The following VIPR2 variants were observed in gnomAD, a reference collection of about 807,000 sequenced individuals.
VIPR2 encodes the protein vasoactive intestinal polypeptide receptor 2.
A neutral mutation model predicts 58.0 loss-of-function variants in VIPR2; 48 were observed. The observed-to-expected ratio is 0.83, with a 90% confidence interval of 0.66 to 1.05. VIPR2 has a LOEUF of 1.05. Among genes scored for constraint, VIPR2 ranks in the 50% least tolerant of loss-of-function variants. VIPR2 has a pLI of 0.00. For missense variants in VIPR2, 534 were observed against 558.0 expected, an observed-to-expected ratio of 0.96 and a Z score of 0.43; for synonymous variants, 243 against 235.2, an observed-to-expected ratio of 1.03 and a Z score of -0.30.
At chr7:159,130,235 G>A (rs1469569467) in intron 2 of VIPR2, among the ~76,000 whole-genome samples, 1 of 152,178 alleles carries the variant, frequency 6.6e-6, no homozygotes, top group South Asian at 2.1e-4. Flanking sequence ...TTTAGGTTAT[G>A]GTTTAAGTGA....
rs2129492704 is a variant in VIPR2, at chr7:159,031,546, A to C, written c.1143+282T>G. The C allele has an allele frequency of 1.0e-6, 1 of 985,344 alleles. No individual in the cohort carries two copies. Among genetic ancestry groups the C allele is most frequent in the East Asian group, 1.1e-4 (1 of 8,778 alleles). 61.0% of individuals were successfully genotyped at this position (985,344 alleles called of 1,614,324 possible). On this transcript the variant is annotated intron_variant, in intron 12 of 12. Coordinates refer to ENST00000262178, the MANE Select transcript of VIPR2 (RefSeq NM_003382.5). This position sits in a 1 kb window ranked among gnomAD's most constrained non-coding sequence, Gnocchi z 4.0. ...CCATGGGGAAAAACAGATTCTGTCT[A>C]GACCCGGCCGGGAGCTTTCCCGAGA...
At chr7:159,120,235 C>T (rs1366256497) in intron 2 of VIPR2, among the ~76,000 whole-genome samples, 1 of 152,212 alleles carries the variant, frequency 6.6e-6, no homozygotes, top group African/African-American at 2.4e-5. Flanking sequence ...CTGTATTTGT[C>T]ATTCTCCTCA....
chr7:159,035,048 C>T (rs1853842964), intron 8 of VIPR2, among the ~76,000 whole-genome samples: 1 of 152,230 alleles, frequency 6.6e-6, no homozygotes, highest in African/African-American at 2.4e-5. Context: ...TTAAAACGTC[C>T]TTAGAGCCAC....
At chr7:159,134,283 A>G (rs1797104740) in intron 2 of VIPR2, among the ~76,000 whole-genome samples, 1 of 152,234 alleles carries the variant, frequency 6.6e-6, no homozygotes, top group East Asian at 1.9e-4. Context: ...AGTGTCACTA[A>G]GGATTAAGAA....
intron 4 of VIPR2, among the ~76,000 whole-genome samples, chr7:159,071,252 C>G (rs2129494554): frequency 6.6e-6 from 1 of 152,346 alleles, no homozygotes; most frequent in Middle Eastern, 3.4e-3. Flanking sequence ...GCCAAGCCAG[C>G]TCAGCAGTTT....
At position 159,036,002 on chromosome 7, in the gene VIPR2, G is replaced by T. The variant is rs772259711; in HGVS notation, c.759C>A (p.Thr253=). 5 of 1,613,254 alleles carry T rather than the reference G, an allele frequency of 3.1e-6. No homozygotes were observed. The highest frequency in any genetic ancestry group is 4.2e-6 in the Non-Finnish European group (5 of 1,179,722). The stretch of plus-strand genomic sequence containing the variant: ...CCGCAGTCCATGCACCGATGCAGAC[G>T]GTGGGGAGGCCTGCAGAGAGACGCC... ...AYLLIGWGLP[T]VCIGAWTAAR... Residue 253 remains threonine (T), a synonymous_variant, in exon 8 of 13, where the codon ACC becomes ACA. Coordinates refer to ENST00000262178, the MANE Select transcript of VIPR2 (RefSeq NM_003382.5).
intron 2 of VIPR2, among the ~76,000 whole-genome samples, chr7:159,130,374 G>A (rs1192633536): frequency 1.3e-5 from 2 of 152,174 alleles, no homozygotes; most frequent in African/African-American, 4.8e-5. Context: ...TATTCTGGAA[G>A]TCACAAGATA....
chr7:159,136,758 A>C (rs768157877), intron 2 of VIPR2, among the ~76,000 whole-genome samples: 2 of 152,220 alleles, frequency 1.3e-5, no homozygotes, highest in African/African-American at 4.8e-5. Context: ...ACCATGGCTC[A>C]TAAGTAAAGA....
At position 159,043,169 on chromosome 7, in the gene VIPR2, G is replaced by T; in HGVS notation, c.463C>A (p.His155Asn). ...SIILCLFRKLHCTRNYIHLNL... is the reference protein window; with the variant it reads ...SIILCLFRKLNCTRNYIHLNL... ...AGGTGGATGTAATTCCTGGTGCAGT[G>T]CAGCTTCCTGAGGTGGGGGAGTGGG... The change falls in exon 6 of 13, where the codon CAC (histidine) becomes AAC (asparagine). Residue 155 changes from histidine (H) to asparagine (N), a missense_variant. His to Asn is a moderately conservative substitution (Grantham distance 68, BLOSUM62 1). Transcript: ENST00000262178. 3.1e-6 allele frequency: 5 copies of T among 1,612,198 alleles called. No homozygotes were observed. Among genetic ancestry groups the T allele is most frequent in the Non-Finnish European group, 4.2e-6 (5 of 1,179,106 alleles).
At chr7:159,129,801 G>A (rs1461449189) in intron 2 of VIPR2, among the ~76,000 whole-genome samples, 5 of 124,234 alleles carry the variant, frequency 4.0e-5, no homozygotes, top group African/African-American at 1.7e-4. Flanking sequence ...ACAGGGCCAG[G>A]TGACCAGCTT....
In VIPR2 at chr7:159,097,583, G is replaced by A. The variant is rs1001693191; in HGVS notation, c.357+6174C>T. Among the ~76,000 whole-genome samples, 5 of 152,124 alleles carry A rather than the reference G, an allele frequency of 3.3e-5. No individual in the cohort carries two copies. The highest frequency in any genetic ancestry group is 1.2e-4 in the African/African-American group (5 of 41,420). ...TGCCTGACCCTGACTCAAGGAGGGA[G>A]GCCCCCACTCTGTGCTCTTTCATCA... is the stretch of plus-strand genomic sequence containing the variant. On this transcript the variant is annotated intron_variant, in intron 4 of 12. Transcript: ENST00000262178. This position sits in a 1 kb window ranked among gnomAD's most constrained non-coding sequence, Gnocchi z 5.3.
intron 2 of VIPR2, among the ~76,000 whole-genome samples, chr7:159,121,017 T>TAA (rs1413540446): frequency 1.3e-5 from 2 of 151,904 alleles, no homozygotes; most frequent in Admixed American, 1.3e-4. Context: ...AGCTTGGACT[T>TAA]AAACATTAAA....
At chr7:159,054,140 C>T (rs16868144) in intron 5 of VIPR2, among the ~76,000 whole-genome samples, 16,458 of 152,084 alleles carry the variant, frequency 0.11, 949 homozygotes, top group Middle Eastern at 0.17. Context: ...TACCCGCTCC[C>T]GGACAACGGG....
Position 159,097,425 on chromosome 7 carries a change from C to T in VIPR2, c.357+6332G>A, listed in dbSNP as rs116472473. On this transcript the variant is annotated intron_variant, in intron 4 of 12. Transcript: ENST00000262178. The surrounding 1 kb of genome is among the most constrained non-coding windows in gnomAD (Gnocchi z 5.3). The stretch of plus-strand genomic sequence containing the variant: ...CAGAAGACTTACGGGAGCCGGCCCC[C>T]TCGCGTGCCCACCACGGTGTGCTGC... 0.022 allele frequency among the ~76,000 whole-genome samples: 3,357 copies of T among 152,294 alleles called. 137 individuals carry two copies. Among genetic ancestry groups the T allele is most frequent in the African/African-American group, 0.077 (3,194 of 41,550 alleles).
chr7:159,101,412 G>A (rs1585495872), intron 4 of VIPR2, among the ~76,000 whole-genome samples: 2 of 124,400 alleles, frequency 1.6e-5, no homozygotes, highest in African/African-American at 3.2e-5. Flanking sequence ...GTAGTGAACG[G>A]GTCTCACGAG....
intron 4 of VIPR2, among the ~76,000 whole-genome samples, chr7:159,089,588 T>G (rs1202964413): frequency 6.6e-6 from 1 of 152,252 alleles, no homozygotes; most frequent in Non-Finnish European, 1.5e-5. Flanking sequence ...TCATTATAAC[T>G]AATATTATTA....
chr7:159,030,599 G>C lies in VIPR2; in HGVS notation c.*17C>G. 1 of 1,514,856 alleles carries C rather than the reference G, an allele frequency of 6.6e-7. No individual in the cohort carries two copies. The allele number at this position is 1,514,856 out of a possible 1,614,324, so 93.8% of individuals were successfully genotyped here. A position where few individuals can be genotyped will look rare whatever the true frequency, so the allele number is the denominator to read the frequency against. On this transcript the variant is annotated 3_prime_UTR_variant, in exon 13 of 13. Coordinates refer to ENST00000262178, the MANE Select transcript of VIPR2 (RefSeq NM_003382.5). ...GAACCGTGGGCCTCCCGCCGCGTCC[G>C]ACAGGCAGGGGTGGGGCTAGATGAC... is the stretch of plus-strand genomic sequence containing the variant.
chr7:159,045,675 T>C (rs540853312), intron 5 of VIPR2, among the ~76,000 whole-genome samples: 49 of 152,312 alleles, frequency 3.2e-4, no homozygotes, highest in Middle Eastern at 3.4e-3. Flanking sequence ...TCCTGTGTAC[T>C]TGTGGTGTCA....
Position 159,037,523 on chromosome 7 carries a change from T to A in VIPR2, c.598-621A>T, listed in dbSNP as rs117345420. On this transcript the variant is annotated intron_variant, in intron 6 of 12. Coordinates refer to ENST00000262178, the MANE Select transcript of VIPR2 (RefSeq NM_003382.5). ...GACCCACACCAGGCCCCAGACTTTTTTTTTAAATTTTTGACAACTATGTAA... is the reference window on the plus strand; with the variant it reads ...GACCCACACCAGGCCCCAGACTTTTATTTTAAATTTTTGACAACTATGTAA... 5.7e-4 allele frequency among the ~76,000 whole-genome samples: 87 copies of A among 152,364 alleles called. 1 individual carries two copies. In the East Asian group the frequency reaches 0.013, roughly 23 times the overall value.
Sources: allele counts gnomAD v4.1 joint callset (sites outside exome capture counted in the v4.1 genomes callset), GRCh38; gene constraint gnomAD v4.1.1; non-coding constraint Gnocchi (gnomAD v3.1); transcripts MANE v1.5; gene names NCBI Gene and HGNC (gene_info 2026-07-23, HGNC 2026-07-21).